Variants in RAD51B observed in about 807,000 individuals in gnomAD.
RAD51B encodes DNA repair protein RAD51 homolog 2.
In RAD51B, 38 loss-of-function variants were observed where a neutral mutation model predicts 42.2. The observed-to-expected ratio is 0.90, with a 90% CI of 0.70 to 1.18. The LOEUF (loss-of-function observed/expected upper bound fraction) is 1.18, where lower values mean the gene tolerates loss of function less well. Ranked by LOEUF, RAD51B falls within the 50% of genes most tolerant of loss-of-function variation. The pLI is 0.00. For missense variants in RAD51B, 373 were observed against 400.7 expected (o/e 0.93, Z 0.59); for synonymous variants, 154 against 145.2 (o/e 1.06, Z -0.43).
chr14:68,292,722 T>C (rs2081539139), intron 8 of RAD51B, among the ~76,000 whole-genome samples: 1 of 152,198 alleles, frequency 6.6e-6, no homozygotes, highest in Non-Finnish European at 1.5e-5. Flanking sequence ...ACAGGAGACT[T>C]TTAGGCCTAG....
intron 11 of RAD51B, among the ~76,000 whole-genome samples, chr14:68,671,180 G>A (rs2140154600): frequency 6.6e-6 from 1 of 152,302 alleles, no homozygotes; most frequent in East Asian, 1.9e-4. Context: ...TCCATCCTGG[G>A]TTGGTCCGTG....
chr14:68,431,878 GC>G (rs1482073536), intron 9 of RAD51B, among the ~76,000 whole-genome samples: 2 of 152,080 alleles, frequency 1.3e-5, no homozygotes, highest in African/African-American at 2.4e-5. Context: ...GCTTTCTCTT[GC>G]GGGCATTTAG....
intron 10 of RAD51B, among the ~76,000 whole-genome samples, chr14:68,574,325 C>A (rs930677955): frequency 1.3e-5 from 2 of 152,054 alleles, no homozygotes; most frequent in Non-Finnish European, 2.9e-5. Flanking sequence ...TAGGCTCAAG[C>A]GATCCACCCG....
intron 7 of RAD51B, among the ~76,000 whole-genome samples, chr14:68,050,728 T>A (rs1268933041): frequency 2.6e-5 from 4 of 152,144 alleles, no homozygotes. Context: ...CTCCCCACCA[T>A]CTCTTAACGC....
At chr14:67,978,370 A>G (rs779876625) in intron 7 of RAD51B, among the ~76,000 whole-genome samples, 5 of 152,196 alleles carry the variant, frequency 3.3e-5, no homozygotes, top group Non-Finnish European at 7.3e-5. Flanking sequence ...AATAAAGAAT[A>G]TCAATTGACT....
chr14:68,283,959 C>T (rs923348500), intron 7 of RAD51B, among the ~76,000 whole-genome samples: 8 of 152,242 alleles, frequency 5.3e-5, no homozygotes, highest in East Asian at 1.9e-4. Flanking sequence ...AAAAGTAGCA[C>T]GGAAGCACTA....
At chr14:68,475,492 A>G (rs759878806) in intron 10 of RAD51B, among the ~76,000 whole-genome samples, 13 of 152,200 alleles carry the variant, frequency 8.5e-5, no homozygotes, top group Non-Finnish European at 1.8e-4. Context: ...GCACCCAAAA[A>G]TCTTGTTCTG....
chr14:67,886,787 G>A (rs991617611), intron 6 of RAD51B: 19 of 327,224 alleles, frequency 5.8e-5, no homozygotes, highest in Middle Eastern at 8.7e-4. Context: ...GAATTGGAGC[G>A]TTAACATTAT....
rs544600420 is a variant in RAD51B at position 68,633,680 on chromosome 14, G to C, written c.1037-17101G>C. On this transcript the variant is annotated intron_variant, in intron 10 of 11. Transcript: ENST00000488612. ...AGAGCACAGAAAAGCCCGAAACCCA[G>C]GCCACCAGCCAGGGCGATCCTGAAG... Among the ~76,000 whole-genome samples, 7 of 152,366 alleles carry C rather than the reference G, an allele frequency of 4.6e-5. No homozygotes were observed. The South Asian group carries it at 1.4e-3, about 32-fold the overall frequency.
intron 7 of RAD51B, among the ~76,000 whole-genome samples, chr14:68,076,636 T>C (rs903091159): frequency 2.6e-5 from 4 of 152,154 alleles, no homozygotes; most frequent in African/African-American, 9.7e-5. Flanking sequence ...CTTAGGGAGG[T>C]TGTCAAAGAA....
chr14:68,470,581 G>A (rs1316222224), intron 10 of RAD51B: 2 of 508,910 alleles, frequency 3.9e-6, no homozygotes, highest in African/African-American at 3.8e-5. Context: ...CAACCCATTG[G>A]TGGGTCATGA....
At chr14:67,828,714 A>C (rs934559580) in intron 3 of RAD51B, among the ~76,000 whole-genome samples, 12 of 152,122 alleles carry the variant, frequency 7.9e-5, no homozygotes, top group Non-Finnish European at 8.8e-5. Flanking sequence ...ATGGCTAGTC[A>C]GTTCTCCCAG....
chr14:68,538,153 T>C (rs965026811), intron 10 of RAD51B, among the ~76,000 whole-genome samples: 7 of 152,222 alleles, frequency 4.6e-5, no homozygotes, highest in Non-Finnish European at 8.8e-5. Context: ...GGGTCCCAGG[T>C]TCCCAGAGTC....
In RAD51B at chr14:67,823,595, C is replaced by T. The variant is rs747008915; in HGVS notation, c.52C>T (p.Arg18Cys). The T allele has an allele frequency of 2.1e-5, 34 of 1,613,342 alleles. 1 individual carries two copies. The highest frequency in any genetic ancestry group is 2.4e-5 in the Non-Finnish European group (28 of 1,179,740). Reference protein sequence around the residue: ...RVGLSQELCDRLSRHQILTCQ... With the variant: ...RVGLSQELCDCLSRHQILTCQ... ...GGGTTTATCACAAGAGCTGTGTGAC[C>T]GTCTGAGTAGACATCAGATCCTTAC... The change falls in exon 2 of 11, where the codon CGT becomes TGT. Residue 18 changes from arginine to cysteine, a missense_variant. Physicochemically the swap from Arg to Cys is radical, Grantham distance 180. Coordinates refer to ENST00000471583, the MANE Select transcript of RAD51B (RefSeq NM_133510.4).
At chr14:68,620,345 G>A (rs17106039) in intron 10 of RAD51B, among the ~76,000 whole-genome samples, 31,188 of 152,076 alleles carry the variant, frequency 0.21, 3,784 homozygotes, top group African/African-American at 0.33. Flanking sequence ...CAGCCTCTGC[G>A]TGACCCCTTC....
chr14:68,044,104 C>G (rs993074398), intron 7 of RAD51B, among the ~76,000 whole-genome samples: 1 of 152,166 alleles, frequency 6.6e-6, no homozygotes, highest in African/African-American at 2.4e-5. Flanking sequence ...GTAACTGGCC[C>G]AGGAAAAGCA....
intron 8 of RAD51B, among the ~76,000 whole-genome samples, chr14:68,292,599 A>G (rs2081537525): frequency 6.6e-6 from 1 of 152,208 alleles, no homozygotes; most frequent in Non-Finnish European, 1.5e-5. Context: ...CTGAGTTGTT[A>G]TCCTTGTAGT....
chr14:68,367,485 A>T (rs1280126797), intron 8 of RAD51B, among the ~76,000 whole-genome samples: 1 of 152,218 alleles, frequency 6.6e-6, no homozygotes, highest in East Asian at 1.9e-4. Context: ...AGACTTGAGG[A>T]TATAAAAAAG....
chr14:68,517,215 A>G (rs77168409), intron 10 of RAD51B, among the ~76,000 whole-genome samples: 1 of 127,156 alleles, frequency 7.9e-6, no homozygotes, highest in African/African-American at 3.0e-5. Context: ...CAAAGAAAAG[A>G]AAGGGAAGGG....
Sources: gnomAD v4.1 joint callset for allele counts (sites outside exome capture counted in the v4.1 genomes callset) on GRCh38, gnomAD v4.1.1 for gene constraint, MANE v1.5 for transcripts, NCBI Gene and HGNC (gene_info 2026-07-23, HGNC 2026-07-21) for gene names.